FNTB: variants seen among roughly 807,000 people sequenced by gnomAD.
The protein encoded by FNTB is farnesyltransferase, CAAX box, subunit beta.
A neutral mutation model predicts 59.4 loss-of-function variants in FNTB; 27 were observed. The ratio of observed to expected loss-of-function variants is 0.45; its 90% CI spans 0.34 to 0.63. The LOEUF (loss-of-function observed/expected upper bound fraction) is 0.63, where lower values mean the gene tolerates loss of function less well. Ranked by LOEUF, FNTB falls within the 20% of genes least tolerant of loss-of-function variation. The probability of loss-of-function intolerance (pLI) is 0.02; values close to 1 mark genes in which losing one functional copy is unlikely to be tolerated. For synonymous variants in FNTB, 230 were observed against 220.7 expected, an observed-to-expected ratio of 1.04 and a Z score of -0.37; for missense variants, 449 against 559.6, an observed-to-expected ratio of 0.80 and a Z score of 1.99.
intron 4 of FNTB, among the ~76,000 whole-genome samples, chr14:65,024,897 G>T (rs1285574534): frequency 6.6e-6 from 1 of 152,010 alleles, no homozygotes; most frequent in East Asian, 1.9e-4. Context: ...GGAATTACAG[G>T]CACAAGCCAC....
intron 11 of FNTB, among the ~76,000 whole-genome samples, chr14:65,056,468 C>T (rs1045848485): frequency 8.5e-5 from 13 of 152,168 alleles, no homozygotes; most frequent in African/African-American, 3.1e-4. Flanking sequence ...AACTGCTCCC[C>T]AGTGTGGTTG....
rs143164829 is a variant in FNTB, at chr14:64,991,330, G to A, written c.144+4233G>A. 2.0e-5 allele frequency among the ~76,000 whole-genome samples: 3 copies of A among 152,090 alleles called. No individual in the cohort carries two copies. Among genetic ancestry groups the A allele is most frequent in the Non-Finnish European group, 4.4e-5 (3 of 68,030 alleles). ...AAGAATATGCTGTAAGGCCGAGTGC[G>A]GTGGCTCACTCCTGTAATCCCAGCA... On this transcript the variant is annotated intron_variant, in intron 1 of 11. Coordinates refer to ENST00000246166, the MANE Select transcript of FNTB (RefSeq NM_002028.4). This position sits in a 1 kb window ranked among gnomAD's most constrained non-coding sequence, Gnocchi z 4.4.
chr14:65,048,958 C>G (rs1419904459), intron 9 of FNTB, among the ~76,000 whole-genome samples: 2 of 152,168 alleles, frequency 1.3e-5, no homozygotes, highest in Non-Finnish European at 2.9e-5. Context: ...AACCCCATCT[C>G]TACTAAAGAT....
At position 65,009,508 on chromosome 14, in the gene FNTB, A is replaced by G. The variant is rs2061652130; in HGVS notation, c.210-2809A>G. Among the ~76,000 whole-genome samples, 1 of 152,058 alleles carries G rather than the reference A, an allele frequency of 6.6e-6. No homozygotes were observed. The highest frequency in any genetic ancestry group is 2.4e-5 in the African/African-American group (1 of 41,390). ...TTTCCTGTTTCCTTCTTCCCACATCAGAGACCTATATTTCGCTAGCTTCGT... is the reference window on the plus strand; with the variant it reads ...TTTCCTGTTTCCTTCTTCCCACATCGGAGACCTATATTTCGCTAGCTTCGT... On this transcript the variant is annotated intron_variant, in intron 2 of 11. Coordinates refer to ENST00000246166, the MANE Select transcript of FNTB (RefSeq NM_002028.4). The surrounding 1 kb of genome is among the most constrained non-coding windows in gnomAD (Gnocchi z 4.2).
chr14:65,011,729 G>A lies in FNTB; in HGVS notation c.210-588G>A, dbSNP rs1402294475. 6.6e-6 allele frequency among the ~76,000 whole-genome samples: 1 copy of A among 152,222 alleles called. No individual in the cohort carries two copies. Among genetic ancestry groups the A allele is most frequent in the East Asian group, 1.9e-4 (1 of 5,194 alleles). On this transcript the variant is annotated intron_variant, in intron 2 of 11. Coordinates refer to ENST00000246166, the MANE Select transcript of FNTB (RefSeq NM_002028.4). This position sits in a 1 kb window ranked among gnomAD's most constrained non-coding sequence, Gnocchi z 4.0. Reference sequence around the variant, plus strand: ...ATCTTAAAGCCAGTATTGCTGACTTGAAAGCCAAGGACAGCGACTGGCTGC... The same window carrying A: ...ATCTTAAAGCCAGTATTGCTGACTTAAAAGCCAAGGACAGCGACTGGCTGC...
Position 65,007,753 on chromosome 14 carries a change from C to CT in FNTB, c.209+3444dup. 6.6e-6 allele frequency among the ~76,000 whole-genome samples: 1 copy of CT among 152,302 alleles called. No individual in the cohort carries two copies. The highest frequency in any genetic ancestry group is 1.9e-4 in the East Asian group (1 of 5,184). On this transcript the variant is annotated intron_variant, in intron 2 of 11. Transcript: ENST00000246166. The surrounding 1 kb of genome is among the most constrained non-coding windows in gnomAD (Gnocchi z 4.9). ...GGTTTCACACCCTTTTGAATGTACC[C>CT]TTTTGCATTTATCACCTTGGCTTTA... is the stretch of plus-strand genomic sequence containing the variant.
chr14:65,005,517 C>T (rs1566865129), intron 2 of FNTB, among the ~76,000 whole-genome samples: 3 of 135,752 alleles, frequency 2.2e-5, no homozygotes, highest in African/African-American at 2.9e-5. Context: ...TTCTTTCTCT[C>T]TCTCTTTCTC....
intron 7 of FNTB, among the ~76,000 whole-genome samples, chr14:65,037,809 C>T (rs2139611884): frequency 6.8e-6 from 1 of 147,412 alleles, no homozygotes; most frequent in African/African-American, 2.5e-5. Flanking sequence ...GAGATGGTGC[C>T]TTGCTCTGTT....
At chr14:65,002,407 G>A (rs1249345348) in intron 1 of FNTB, among the ~76,000 whole-genome samples, 2 of 152,112 alleles carry the variant, frequency 1.3e-5, no homozygotes, top group East Asian at 1.9e-4. Context: ...TCAGGAGTTC[G>A]AGACCAGCCT....
At chr14:65,036,192 T>C (rs886617200) in intron 7 of FNTB, among the ~76,000 whole-genome samples, 1 of 152,174 alleles carries the variant, frequency 6.6e-6, no homozygotes, top group African/African-American at 2.4e-5. Flanking sequence ...TGTCATAGTT[T>C]CCTTATATGT....
intron 4 of FNTB, among the ~76,000 whole-genome samples, chr14:65,019,572 A>T (rs569883688): frequency 9.8e-5 from 15 of 152,344 alleles, no homozygotes; most frequent in African/African-American, 2.6e-4. Context: ...TTTTGTAATT[A>T]AAAAAGGAAT....
chr14:65,051,797 AT>A (rs776155113), intron 9 of FNTB, among the ~76,000 whole-genome samples: 229 of 141,984 alleles, frequency 1.6e-3, no homozygotes, highest in East Asian at 2.0e-3. Flanking sequence ...CACCATAGGA[AT>A]TTTTTTTTTT....
At chr14:65,039,613 G>A (rs2062297400) in intron 7 of FNTB, among the ~76,000 whole-genome samples, 1 of 152,022 alleles carries the variant, frequency 6.6e-6, no homozygotes, top group Non-Finnish European at 1.5e-5. Context: ...CTTTGGGTAG[G>A]AAAGGTTTCT....
chr14:65,054,459 C>T lies in FNTB; in HGVS notation c.1068-116C>T. 9.5e-7 allele frequency: 1 copy of T among 1,052,268 alleles called. No homozygotes were observed. The highest frequency in any genetic ancestry group is 1.4e-6 in the Non-Finnish European group (1 of 724,698). The allele number at this position is 1,052,268 out of a possible 1,614,324, so 65.2% of individuals were successfully genotyped here. On this transcript the variant is annotated intron_variant, in intron 10 of 11. Coordinates refer to ENST00000246166, the MANE Select transcript of FNTB (RefSeq NM_002028.4). The surrounding 1 kb of genome is among the most constrained non-coding windows in gnomAD (Gnocchi z 4.4). ...GGGAAAACCATGCCTCCTCTAGCCA[C>T]ATGGAGGATGGGGGGGGACGTGTGA...
At chr14:65,018,750 C>T (rs538596233) in intron 4 of FNTB, among the ~76,000 whole-genome samples, 10 of 146,802 alleles carry the variant, frequency 6.8e-5, no homozygotes, top group African/African-American at 1.8e-4. Flanking sequence ...GTGGACGTTG[C>T]GACGAGCCAA....
chr14:65,016,983 C>T (rs2061787782), intron 4 of FNTB, among the ~76,000 whole-genome samples: 1 of 138,054 alleles, frequency 7.2e-6, no homozygotes, highest in Non-Finnish European at 1.5e-5. Flanking sequence ...GGTGCAGTGG[C>T]ACAGTCTCAG....
At chr14:65,015,195 C>T (rs537163681) in intron 3 of FNTB, among the ~76,000 whole-genome samples, 6 of 151,852 alleles carry the variant, frequency 4.0e-5, no homozygotes, top group Non-Finnish European at 8.8e-5. Context: ...CTCTGCCTCC[C>T]GGGTTCAAGT....
In FNTB at chr14:65,037,412, T is replaced by C. The variant is rs2062222948; in HGVS notation, c.693-3378T>C. On this transcript the variant is annotated intron_variant, in intron 7 of 11. Transcript: ENST00000246166. ...GCCACCACGCCGGGCCCTTTTTTTT[T>C]TTTTTTTTTTTTTTTTTTTTTTTTT... is the stretch of plus-strand genomic sequence containing the variant. Among the ~76,000 whole-genome samples the C allele has an allele frequency of 2.4e-4, 21 of 86,886 alleles. 1 individual carries two copies. The highest frequency in any genetic ancestry group is 5.4e-4 in the Admixed American group (4 of 7,454). The allele number at this position is 86,886 out of a possible 152,430, so 57.0% of individuals were successfully genotyped here.
rs966502162 is a variant in FNTB at position 65,028,957 on chromosome 14, A to G, written c.605+1176A>G. On this transcript the variant is annotated intron_variant, in intron 6 of 11. Transcript: ENST00000246166. The surrounding 1 kb of genome is among the most constrained non-coding windows in gnomAD (Gnocchi z 4.4). ...CAAATCATAGCAAGATCCTTTTGGTATTTTATCATATACCTTTTGCAGCTG... is the reference window on the plus strand; with the variant it reads ...CAAATCATAGCAAGATCCTTTTGGTGTTTTATCATATACCTTTTGCAGCTG... Among the ~76,000 whole-genome samples, 1 of 152,118 alleles carries G rather than the reference A, an allele frequency of 6.6e-6. No homozygotes were observed. Among genetic ancestry groups the G allele is most frequent in the Non-Finnish European group, 1.5e-5 (1 of 68,012 alleles).
Sources: allele counts gnomAD v4.1 joint callset (sites outside exome capture counted in the v4.1 genomes callset), GRCh38; gene constraint gnomAD v4.1.1; non-coding constraint Gnocchi (gnomAD v3.1); transcripts MANE v1.5; gene names NCBI Gene and HGNC (gene_info 2026-07-23, HGNC 2026-07-21).